PCDH15: variants seen among roughly 807,000 people sequenced by gnomAD.
PCDH15 encodes the protein protocadherin-15.
Under a neutral mutation model 178.5 loss-of-function variants are expected in PCDH15, and 129 were observed. The ratio of observed to expected loss-of-function variants is 0.72; its 90% CI spans 0.63 to 0.84. PCDH15 has a LOEUF of 0.84. Among genes scored for constraint, PCDH15 ranks in the 40% least tolerant of loss-of-function variants. PCDH15 has a pLI of 0.00. For synonymous variants in PCDH15, 800 were observed against 732.0 expected (o/e 1.09, Z -1.50); for missense variants, 2,230 against 2,099.9 (o/e 1.06, Z -1.21).
At chr10:54,719,309 T>A (rs1344257237) in intron 1 of PCDH15, among the ~76,000 whole-genome samples, 2 of 152,064 alleles carry the variant, frequency 1.3e-5, no homozygotes, top group Non-Finnish European at 2.9e-5. Context: ...TCCAGTAAGA[T>A]AAAAATTAAC....
chr10:53,980,032 A>T (rs59980855), intron 21 of PCDH15, among the ~76,000 whole-genome samples: 13,590 of 152,098 alleles, frequency 0.089, 1,759 homozygotes, highest in African/African-American at 0.28. Flanking sequence ...CAGCCTGGCC[A>T]ACATGGTGAA....
intron 25 of PCDH15, among the ~76,000 whole-genome samples, chr10:53,918,596 G>T (rs1589416290): frequency 2.6e-5 from 4 of 152,128 alleles, no homozygotes; most frequent in Admixed American, 2.6e-4. Context: ...TGAATTAAAG[G>T]ATTTATAAAT....
intron 1 of PCDH15, among the ~76,000 whole-genome samples, chr10:55,274,030 T>C (rs1842521195): frequency 6.6e-6 from 1 of 152,102 alleles, no homozygotes. Context: ...ATGCAGACAG[T>C]CTTTCTGAGT....
intron 2 of PCDH15, among the ~76,000 whole-genome samples, chr10:54,649,812 C>T (rs138517827): frequency 3.3e-5 from 5 of 152,156 alleles, no homozygotes; most frequent in African/African-American, 7.2e-5. Flanking sequence ...ATTTTGTCCC[C>T]ACGTCATTGA....
chr10:55,223,924 A>G (rs1840955001), intron 1 of PCDH15, among the ~76,000 whole-genome samples: 1 of 152,132 alleles, frequency 6.6e-6, no homozygotes. Context: ...CATACCCTCT[A>G]TAATAATATA....
At chr10:54,475,163 C>T (rs547179780) in intron 3 of PCDH15, among the ~76,000 whole-genome samples, 1 of 151,904 alleles carries the variant, frequency 6.6e-6, no homozygotes, top group South Asian at 2.1e-4. Context: ...AGGTTCAAGT[C>T]GCATTGCCAC....
chr10:54,970,799 C>G (rs1343167736), intron 2 of PCDH15, among the ~76,000 whole-genome samples: 1 of 152,136 alleles, frequency 6.6e-6, no homozygotes, highest in Non-Finnish European at 1.5e-5. Flanking sequence ...AAAAATTATT[C>G]ACAGGCCTCA....
chr10:55,211,123 T>C (rs2132170718), intron 1 of PCDH15, among the ~76,000 whole-genome samples: 1 of 152,048 alleles, frequency 6.6e-6, no homozygotes, highest in Middle Eastern at 3.4e-3. Flanking sequence ...GTCAAGGTAA[T>C]GAAGATGTGA....
intron 2 of PCDH15, among the ~76,000 whole-genome samples, chr10:54,960,883 C>T (rs1438193184): frequency 6.6e-6 from 1 of 152,090 alleles, no homozygotes; most frequent in African/African-American, 2.4e-5. Flanking sequence ...TCCAGAATAA[C>T]AGATTCTGAT....
At chr10:55,110,856 A>G (rs1374584636) in intron 2 of PCDH15, among the ~76,000 whole-genome samples, 1 of 152,056 alleles carries the variant, frequency 6.6e-6, no homozygotes, top group Non-Finnish European at 1.5e-5. Flanking sequence ...TTAGAAATTC[A>G]GTTTCTGTAA....
chr10:54,827,637 A>G (rs537415154), intron 3 of PCDH15, among the ~76,000 whole-genome samples: 86 of 152,224 alleles, frequency 5.6e-4, no homozygotes, highest in African/African-American at 1.9e-3. Flanking sequence ...TTTTCAACAT[A>G]GAAGATCTGG....
At chr10:54,434,278 TAC>T (rs2075234499) in intron 3 of PCDH15, among the ~76,000 whole-genome samples, 1 of 152,178 alleles carries the variant, frequency 6.6e-6, no homozygotes, top group Non-Finnish European at 1.5e-5. Context: ...TGATGAAGTG[TAC>T]AGTGTTTATA....
intron 3 of PCDH15, among the ~76,000 whole-genome samples, chr10:54,515,362 G>C (rs190520576): frequency 6.6e-6 from 1 of 152,214 alleles, no homozygotes; most frequent in Non-Finnish European, 1.5e-5. Flanking sequence ...TATGCCCATG[G>C]AGTCTCGCTG....
intron 1 of PCDH15, among the ~76,000 whole-genome samples, chr10:54,753,602 A>C (rs1946631919): frequency 6.6e-6 from 1 of 152,212 alleles, no homozygotes; most frequent in South Asian, 2.1e-4. Context: ...TTTTAACCAC[A>C]GTGTAAAAAC....
chr10:55,476,715 T>A (rs1275198565), intron 2 of PCDH15, among the ~76,000 whole-genome samples: 1 of 152,018 alleles, frequency 6.6e-6, no homozygotes, highest in East Asian at 1.9e-4. Context: ...AATCCCACCA[T>A]ACTTGATATG....
intron 1 of PCDH15, among the ~76,000 whole-genome samples, chr10:54,781,772 C>T (rs938978509): frequency 6.6e-6 from 1 of 152,118 alleles, no homozygotes; most frequent in South Asian, 2.1e-4. Context: ...CAATTTGCTT[C>T]CTCTAAACAC....
intron 1 of PCDH15, among the ~76,000 whole-genome samples, chr10:55,251,743 T>A (rs941717185): frequency 6.6e-5 from 10 of 152,230 alleles, no homozygotes; most frequent in South Asian, 2.1e-4. Context: ...TAATTTTTTT[T>A]AAAAAGTTAT....
chr10:54,466,636 C>A (rs1284736424), intron 3 of PCDH15, among the ~76,000 whole-genome samples: 2 of 151,898 alleles, frequency 1.3e-5, no homozygotes, highest in Admixed American at 1.3e-4. Flanking sequence ...GTTCTTTTCA[C>A]TCAGGATTGT....
intron 13 of PCDH15, among the ~76,000 whole-genome samples, chr10:54,182,630 A>G (rs1421018461): frequency 6.6e-6 from 1 of 152,088 alleles, no homozygotes; most frequent in Non-Finnish European, 1.5e-5. Flanking sequence ...ACATGTTTTC[A>G]AAGTTACCAT....
Sources: allele counts gnomAD v4.1 joint callset (sites outside exome capture counted in the v4.1 genomes callset), GRCh38; gene constraint gnomAD v4.1.1; transcripts MANE v1.5; gene names NCBI Gene and HGNC (gene_info 2026-07-23, HGNC 2026-07-21).